The following MOXD1 variants were observed in gnomAD, a reference collection of about 807,000 sequenced individuals.
The protein encoded by MOXD1 is monooxygenase DBH like 1, also known as DBH-like monooxygenase protein 1.
In MOXD1, 62 loss-of-function variants were observed where a neutral mutation model predicts 66.6. The observed-to-expected ratio is 0.93, with a 90% CI of 0.76 to 1.15. The LOEUF is 1.15. Among genes scored for constraint, MOXD1 ranks in the 50% most tolerant of loss-of-function variants. The pLI, the probability that MOXD1 is intolerant of heterozygous loss-of-function variation, is 0.00. For synonymous variants in MOXD1, 303 were observed against 281.9 expected (o/e 1.07, Z -0.75); for missense variants, 847 against 754.6 (o/e 1.12, Z -1.44).
intron 4 of MOXD1, among the ~76,000 whole-genome samples, chr6:132,360,817 C>T (rs1220885950): frequency 6.6e-6 from 1 of 152,204 alleles, no homozygotes; most frequent in Non-Finnish European, 1.5e-5. Flanking sequence ...CTGATTCTTC[C>T]TCACGATTTA....
intron 1 of MOXD1, chr6:132,391,443 T>C (rs1309520099): frequency 6.6e-6 from 1 of 152,204 alleles, no homozygotes; most frequent in Non-Finnish European, 1.5e-5. Flanking sequence ...GAACAGCTTT[T>C]TTTTTCTACT....
chr6:132,355,890 A>G (rs1375242899), intron 4 of MOXD1, among the ~76,000 whole-genome samples: 2 of 152,266 alleles, frequency 1.3e-5, no homozygotes, highest in African/African-American at 4.8e-5. Flanking sequence ...TGGTATGTTC[A>G]GAAAATGAAA....
chr6:132,301,613 G>C (rs1443303598), intron 10 of MOXD1, among the ~76,000 whole-genome samples: 3 of 151,934 alleles, frequency 2.0e-5, no homozygotes, highest in Non-Finnish European at 4.4e-5. Context: ...AGAGATGGAA[G>C]ATTTAACCAA....
chr6:132,310,338 G>A (rs1229370849), intron 10 of MOXD1, among the ~76,000 whole-genome samples: 1 of 152,114 alleles, frequency 6.6e-6, no homozygotes, highest in Non-Finnish European at 1.5e-5. Context: ...TAAAAAGTCA[G>A]GTAACAACAG....
intron 1 of MOXD1, among the ~76,000 whole-genome samples, chr6:132,385,323 C>T (rs1421909601): frequency 1.3e-5 from 2 of 152,066 alleles, no homozygotes; most frequent in Admixed American, 6.6e-5. Context: ...AGAAACTTCA[C>T]GCTCAGCTTT....
chr6:132,389,897 A>C (rs1353125930), intron 1 of MOXD1, among the ~76,000 whole-genome samples: 1 of 151,550 alleles, frequency 6.6e-6, no homozygotes, highest in African/African-American at 2.4e-5. Context: ...TTTCCTAAGA[A>C]ACTTGAGATT....
At chr6:132,394,801 G>C (rs1411317092) in intron 1 of MOXD1, among the ~76,000 whole-genome samples, 1 of 152,094 alleles carries the variant, frequency 6.6e-6, no homozygotes, top group African/African-American at 2.4e-5. Context: ...AATGAGCAAA[G>C]CCTATATAAC....
intron 4 of MOXD1, among the ~76,000 whole-genome samples, chr6:132,354,607 A>C (rs944619660): frequency 1.3e-5 from 2 of 152,166 alleles, no homozygotes; most frequent in African/African-American, 4.8e-5. Context: ...GGTGATTTAA[A>C]GTTCTATTTT....
chr6:132,357,051 A>G (rs1369775781), intron 4 of MOXD1, among the ~76,000 whole-genome samples: 3 of 152,116 alleles, frequency 2.0e-5, no homozygotes, highest in Admixed American at 2.0e-4. Flanking sequence ...TGTTCTCTAG[A>G]GAAAAAAACT....
At chr6:132,340,441 C>CTTTTT (rs71868555) in intron 4 of MOXD1, among the ~76,000 whole-genome samples, 11 of 106,224 alleles carry the variant, frequency 1.0e-4, no homozygotes, top group East Asian at 2.8e-4. Context: ...GCAACACTTT[C>CTTTTT]TTTTTTTTTT....
In MOXD1 at chr6:132,317,342, G is replaced by T. The variant is rs1289443016; in HGVS notation, c.1366-1565C>A. Among the ~76,000 whole-genome samples, 3 of 152,274 alleles carry T rather than the reference G, an allele frequency of 2.0e-5. No homozygotes were observed. The Middle Eastern group carries it at 0.01, about 518-fold the overall frequency. ...AAGGCAGGATTAGGCAAAGGAAGAT[G>T]CTGATGTGCAAATGAAGTTGCATTT... On this transcript the variant is annotated intron_variant, in intron 9 of 11. Coordinates refer to ENST00000367963, the MANE Select transcript of MOXD1 (RefSeq NM_015529.4).
At chr6:132,379,729 C>A (rs559381264) in intron 1 of MOXD1, among the ~76,000 whole-genome samples, 1 of 152,268 alleles carries the variant, frequency 6.6e-6, no homozygotes, top group South Asian at 2.1e-4. Flanking sequence ...TGCAATGGAT[C>A]CAAAATTGTA....
At chr6:132,315,874 T>A in intron 9 of MOXD1, 97 bp from the exon 10 acceptor site, 1 of 1,230,132 alleles carries the variant, frequency 8.1e-7, no homozygotes. Context: ...CTTCCAATAT[T>A]AAAATTTAAT....
At chr6:132,381,314 T>C (rs1282920630) in intron 1 of MOXD1, among the ~76,000 whole-genome samples, 1 of 152,250 alleles carries the variant, frequency 6.6e-6, no homozygotes, top group African/African-American at 2.4e-5. Context: ...TCCCCAGTAG[T>C]ACCTTATTTC....
chr6:132,315,230 A>G (rs1440240472), intron 10 of MOXD1, among the ~76,000 whole-genome samples: 3 of 152,212 alleles, frequency 2.0e-5, no homozygotes, highest in African/African-American at 7.2e-5. Context: ...CATTCCATAC[A>G]TGTTGTCACA....
At chr6:132,397,075 T>C (rs1270249525) in intron 1 of MOXD1, among the ~76,000 whole-genome samples, 5 of 152,228 alleles carry the variant, frequency 3.3e-5, no homozygotes, top group Admixed American at 2.0e-4. Context: ...TCTTGGGACC[T>C]GCCACCATGC....
chr6:132,374,567 A>G (rs1776336738), intron 2 of MOXD1, 64 bp downstream of exon 2: 2 of 1,413,086 alleles, frequency 1.4e-6, no homozygotes, highest in Admixed American at 2.0e-5. Flanking sequence ...CTTATTCTTT[A>G]AAGTGCTTCA....
At chr6:132,401,090 G>A (rs1007929269) in intron 1 of MOXD1, 73 bp downstream of exon 1, 6 of 1,390,016 alleles carry the variant, frequency 4.3e-6, no homozygotes, top group South Asian at 1.6e-5. Context: ...GGGACGACCC[G>A]CACCTGCGCC....
At chr6:132,369,306 C>T (rs562604700) in intron 4 of MOXD1, among the ~76,000 whole-genome samples, 8 of 152,154 alleles carry the variant, frequency 5.3e-5, no homozygotes, top group Admixed American at 1.3e-4. Context: ...ATGTCTTCTA[C>T]CCACAGATTT....
Sources: allele counts gnomAD v4.1 joint callset (sites outside exome capture counted in the v4.1 genomes callset), GRCh38; gene constraint gnomAD v4.1.1; transcripts MANE v1.5; gene names NCBI Gene and HGNC (gene_info 2026-07-23, HGNC 2026-07-21).